PGCKA1: variants seen among roughly 807,000 people sequenced by gnomAD.
PGCKA1 encodes the protein PDCD10 and GCKIII kinases associated 1.
At chr4:37,485,215 G>T in the PGCKA1 span, among the ~76,000 whole-genome samples, 1 of 152,066 alleles carries the variant, frequency 6.6e-6, no homozygotes, top group Non-Finnish European at 1.5e-5. Flanking sequence ...ATCAGGTATT[G>T]TTTATGTTAA....
the PGCKA1 span, among the ~76,000 whole-genome samples, chr4:37,587,347 G>A: frequency 6.6e-6 from 1 of 152,136 alleles, no homozygotes; most frequent in Non-Finnish European, 1.5e-5. Flanking sequence ...TTATTTATAG[G>A]TTCCAGGGAT....
At chr4:37,550,587 A>G in the PGCKA1 span, among the ~76,000 whole-genome samples, 1 of 152,198 alleles carries the variant, frequency 6.6e-6, no homozygotes. Flanking sequence ...ATCATTGAGC[A>G]TTGATGGAAA....
chr4:37,537,601 C>T, the PGCKA1 span, among the ~76,000 whole-genome samples: 6 of 152,090 alleles, frequency 3.9e-5, no homozygotes, highest in African/African-American at 1.4e-4. Context: ...CCTGTCAGTG[C>T]GGCTCTGGGC....
At chr4:37,572,028 G>A in the PGCKA1 span, among the ~76,000 whole-genome samples, 6 of 144,464 alleles carry the variant, frequency 4.2e-5, no homozygotes, top group Admixed American at 3.5e-4. Flanking sequence ...AGATTCACAC[G>A]TTTGTTTTTA....
chr4:37,468,822 G>A, the PGCKA1 span, among the ~76,000 whole-genome samples: 1 of 152,042 alleles, frequency 6.6e-6, no homozygotes, highest in Admixed American at 6.6e-5. Context: ...AGTTAATTCT[G>A]TGCGGGTTCA....
the PGCKA1 span, among the ~76,000 whole-genome samples, chr4:37,512,205 G>C: frequency 6.6e-6 from 1 of 152,154 alleles, no homozygotes; most frequent in East Asian, 1.9e-4. Flanking sequence ...GACTAATCTG[G>C]TATTTGGTTC....
At chr4:37,540,614 C>T in the PGCKA1 span, among the ~76,000 whole-genome samples, 2 of 152,180 alleles carry the variant, frequency 1.3e-5, no homozygotes, top group African/African-American at 4.8e-5. Context: ...TTCTCATAAC[C>T]TCTGACAACA....
At chr4:37,489,898 T>C in the PGCKA1 span, among the ~76,000 whole-genome samples, 2 of 152,170 alleles carry the variant, frequency 1.3e-5, no homozygotes, top group Non-Finnish European at 2.9e-5. Flanking sequence ...TAAATGGGAT[T>C]GCTGTAGCCA....
At chr4:37,575,830 T>C in the PGCKA1 span, among the ~76,000 whole-genome samples, 2 of 152,314 alleles carry the variant, frequency 1.3e-5, no homozygotes, top group East Asian at 3.9e-4. Flanking sequence ...TATCTAGTTT[T>C]CCCAGCACCA....
At chr4:37,512,733 C>T in the PGCKA1 span, among the ~76,000 whole-genome samples, 3 of 151,874 alleles carry the variant, frequency 2.0e-5, no homozygotes, top group Non-Finnish European at 4.4e-5. Context: ...GGATTACAGA[C>T]GTGAGCCACC....
the PGCKA1 span, among the ~76,000 whole-genome samples, chr4:37,589,204 A>G: frequency 2.0e-5 from 3 of 152,238 alleles, no homozygotes; most frequent in African/African-American, 4.8e-5. Flanking sequence ...CCCCAATCAC[A>G]TATGTGCTTT....
At chr4:37,468,025 G>A in the PGCKA1 span, among the ~76,000 whole-genome samples, 1 of 152,140 alleles carries the variant, frequency 6.6e-6, no homozygotes. Context: ...TGGTTATGCT[G>A]GGGAAATGAA....
the PGCKA1 span, among the ~76,000 whole-genome samples, chr4:37,507,994 T>C: frequency 6.6e-6 from 1 of 152,170 alleles, no homozygotes; most frequent in East Asian, 1.9e-4. Flanking sequence ...ACCTTAAACA[T>C]GTCATGCCCT....
the PGCKA1 span, among the ~76,000 whole-genome samples, chr4:37,469,523 CT>C: frequency 4.2e-4 from 64 of 152,234 alleles, no homozygotes; most frequent in African/African-American, 1.5e-3. Context: ...CCCAGTGGAT[CT>C]TAGAATCAGA....
the PGCKA1 span, among the ~76,000 whole-genome samples, chr4:37,568,343 G>C: frequency 4.6e-5 from 7 of 152,172 alleles, no homozygotes; most frequent in South Asian, 2.1e-4. Context: ...GGAGGCCCAG[G>C]GTTGCCACCA....
At chr4:37,465,415 C>G in the PGCKA1 span, among the ~76,000 whole-genome samples, 1 of 151,802 alleles carries the variant, frequency 6.6e-6, no homozygotes, top group African/African-American at 2.4e-5. Flanking sequence ...GGATGGCTTC[C>G]CTGAGGAAGG....
At chr4:37,569,882 T>C in the PGCKA1 span, among the ~76,000 whole-genome samples, 1 of 151,942 alleles carries the variant, frequency 6.6e-6, no homozygotes, top group African/African-American at 2.4e-5. Flanking sequence ...AAGCCAGCGC[T>C]AGACCATGCT....
chr4:37,527,586 G>A, the PGCKA1 span, among the ~76,000 whole-genome samples: 6 of 151,776 alleles, frequency 4.0e-5, no homozygotes, highest in African/African-American at 1.2e-4. Flanking sequence ...TTGGGAGGCC[G>A]AGGTGGGCAG....
chr4:37,508,685 T>TTTTTTTTTTTTTC, the PGCKA1 span, among the ~76,000 whole-genome samples: 1 of 135,296 alleles, frequency 7.4e-6, no homozygotes, highest in Non-Finnish European at 1.6e-5. Flanking sequence ...TGCTGAATCT[T>TTTTTTTTTTTTTC]TTTTTTAGTA....
Sources: allele counts gnomAD v4.1 joint callset (sites outside exome capture counted in the v4.1 genomes callset), GRCh38; gene constraint gnomAD v4.1.1; transcripts MANE v1.5; gene names NCBI Gene and HGNC (gene_info 2026-07-23, HGNC 2026-07-21).